JAK2: variants seen among roughly 807,000 people sequenced by gnomAD.
The protein encoded by JAK2 is Janus kinase 2.
Under a neutral mutation model 139.3 loss-of-function variants are expected in JAK2, and 86 were observed. That is an observed-to-expected ratio of 0.62 (90% CI 0.52 to 0.74). JAK2 has a LOEUF of 0.74. Among genes scored for constraint, JAK2 ranks in the 30% least tolerant of loss-of-function variants. The pLI, the probability that JAK2 is intolerant of heterozygous loss-of-function variation, is 0.00. For synonymous variants in JAK2, 490 were observed against 437.7 expected (o/e 1.12, Z -1.49); for missense variants, 1,421 against 1,360.3 (o/e 1.04, Z -0.70).
chr9:5,017,824 A>G (rs1002431611), intron 2 of JAK2, among the ~76,000 whole-genome samples: 1 of 152,210 alleles, frequency 6.6e-6, no homozygotes, highest in Non-Finnish European at 1.5e-5. Context: ...GTTTTGATAC[A>G]TTAGAAGTTC....
At chr9:5,041,436 T>C in intron 4 of JAK2, 1 of 623,058 alleles carries the variant, frequency 1.6e-6, no homozygotes, top group Non-Finnish European at 3.1e-6. Flanking sequence ...ATGTACTTCC[T>C]GTGCAGCAGC....
intron 22 of JAK2, chr9:5,110,549 CAA>C (rs2130793855): frequency 6.0e-6 from 1 of 167,794 alleles, no homozygotes; most frequent in East Asian, 1.8e-4. Flanking sequence ...TAGGACTATT[CAA>C]GACTTTACCC....
At chr9:5,118,793 T>C (rs1260077293) in intron 22 of JAK2, among the ~76,000 whole-genome samples, 1 of 152,186 alleles carries the variant, frequency 6.6e-6, no homozygotes. Flanking sequence ...CCATTAAAAA[T>C]TATCTGTTAT....
At chr9:5,121,463 A>G (rs889225804) in intron 22 of JAK2, among the ~76,000 whole-genome samples, 2 of 152,206 alleles carry the variant, frequency 1.3e-5, no homozygotes, top group African/African-American at 4.8e-5. Flanking sequence ...TACACTTTTC[A>G]TATCTTCATG....
chr9:5,113,387 A>G (rs1441562938), intron 22 of JAK2, among the ~76,000 whole-genome samples: 1 of 146,160 alleles, frequency 6.8e-6, no homozygotes, highest in African/African-American at 2.5e-5. Flanking sequence ...CCTAAGCGTA[A>G]TTTTTTTTAA....
chr9:5,051,164 T>C (rs113575026), intron 6 of JAK2, among the ~76,000 whole-genome samples: 8 of 152,274 alleles, frequency 5.3e-5, no homozygotes, highest in African/African-American at 1.9e-4. Flanking sequence ...TAATAAAAAA[T>C]CATATGGGTA....
chr9:5,037,053 C>G (rs749646272), intron 4 of JAK2, among the ~76,000 whole-genome samples: 1 of 152,112 alleles, frequency 6.6e-6, no homozygotes, highest in Non-Finnish European at 1.5e-5. Flanking sequence ...GCGAAGGATA[C>G]GAACAGACAC....
Position 5,129,778 on chromosome 9 carries a change from C to G in JAK2, c.*2987C>G, listed in dbSNP as rs560410396. On this transcript the variant is annotated 3_prime_UTR_variant, in exon 25 of 25. Transcript: ENST00000381652. ...AGATTTCAAAATGACACTGAGAGAA[C>G]TGAAAAACTACATCAGTCAAATTCA... is the stretch of plus-strand genomic sequence containing the variant. Among the ~76,000 whole-genome samples the G allele has an allele frequency of 6.1e-4, 93 of 152,224 alleles. 2 individuals are homozygous for G. The South Asian group carries it at 0.01, about 17-fold the overall frequency.
At chr9:5,105,384 A>G (rs530431482) in intron 22 of JAK2, among the ~76,000 whole-genome samples, 3 of 152,336 alleles carry the variant, frequency 2.0e-5, no homozygotes, top group Admixed American at 6.5e-5. Context: ...TTCAAGGAAA[A>G]CTACAAACCA....
chr9:5,041,563 C>A (rs994850759), intron 4 of JAK2: 5 of 521,330 alleles, frequency 9.6e-6, no homozygotes, highest in Non-Finnish European at 1.9e-5. Flanking sequence ...GAGATGGCTA[C>A]GTACCTGCAC....
rs1824157505 is a variant in JAK2, at chr9:5,128,672, G to C, written c.*1881G>C. 1.3e-5 allele frequency among the ~76,000 whole-genome samples: 2 copies of C among 151,908 alleles called. No individual in the cohort carries two copies. Among genetic ancestry groups the C allele is most frequent in the Admixed American group, 1.3e-4 (2 of 15,280 alleles). On this transcript the variant is annotated 3_prime_UTR_variant, in exon 25 of 25. Coordinates refer to ENST00000381652, the MANE Select transcript of JAK2 (RefSeq NM_004972.4). Reference sequence around the variant, plus strand: ...TCCCACATGTACATTCTTGTTTTTAGAATGGGGTGACTACCTTATTATAAA... The same window carrying C: ...TCCCACATGTACATTCTTGTTTTTACAATGGGGTGACTACCTTATTATAAA...
intron 14 of JAK2, among the ~76,000 whole-genome samples, chr9:5,076,927 A>G (rs941875814): frequency 3.4e-5 from 5 of 149,072 alleles, no homozygotes; most frequent in Non-Finnish European, 7.5e-5. Context: ...CTGGCAAAAT[A>G]TGTTTTATAT....
At chr9:5,126,502 A>C in intron 24 of JAK2, 56 bp downstream of exon 24, 3 of 1,234,054 alleles carry the variant, frequency 2.4e-6, no homozygotes, top group South Asian at 2.6e-5. Flanking sequence ...CTTTTTACTC[A>C]AGGACTTCAG....
At position 5,126,875 on chromosome 9, in the gene JAK2, A is replaced by G; in HGVS notation, c.*84A>G. 4.4e-6 allele frequency: 3 copies of G among 683,542 alleles called. No individual in the cohort carries two copies. The highest frequency in any genetic ancestry group is 2.4e-6 in the Non-Finnish European group (1 of 410,800). The allele number at this position is 683,542 out of a possible 1,614,324, so 42.3% of individuals were successfully genotyped here. On this transcript the variant is annotated 3_prime_UTR_variant, in exon 25 of 25. Coordinates refer to ENST00000381652, the MANE Select transcript of JAK2 (RefSeq NM_004972.4). Reference sequence around the variant, plus strand: ...ACATTGCTGTGGACTATTATTACATATATCATTATTATATAAATCATGATG... The same window carrying G: ...ACATTGCTGTGGACTATTATTACATGTATCATTATTATATAAATCATGATG...
intron 22 of JAK2, among the ~76,000 whole-genome samples, chr9:5,119,499 T>C (rs1823454990): frequency 6.6e-6 from 1 of 152,060 alleles, no homozygotes; most frequent in African/African-American, 2.4e-5. Context: ...GAAAAAATCA[T>C]GAGGGCAGTC....
chr9:5,042,606 G>GCCCCGGC (rs1816676884), intron 4 of JAK2, among the ~76,000 whole-genome samples: 1 of 151,920 alleles, frequency 6.6e-6, no homozygotes, highest in African/African-American at 2.4e-5. Flanking sequence ...CTGAGGCCCA[G>GCCCCGGC]CCAGCTGCCC....
intron 9 of JAK2, among the ~76,000 whole-genome samples, chr9:5,065,647 T>G (rs1402386727): frequency 2.6e-5 from 4 of 152,228 alleles, no homozygotes; most frequent in African/African-American, 4.8e-5. Context: ...CTAGTAACTA[T>G]CACATTGGCT....
At chr9:5,072,762 A>C in intron 13 of JAK2, 136 bp downstream of exon 13, 1 of 502,400 alleles carries the variant, frequency 2.0e-6, no homozygotes, top group African/African-American at 2.0e-5. Context: ...CTGAGGATAC[A>C]TTCTTGTGGG....
intron 23 of JAK2, 147 bp downstream of exon 23, chr9:5,123,268 T>C (rs1038758893): frequency 1.9e-6 from 1 of 536,704 alleles, no homozygotes; most frequent in Non-Finnish European, 3.4e-6. Context: ...CTTAATAACA[T>C]ACATTGTATC....
Sources: allele counts gnomAD v4.1 joint callset (sites outside exome capture counted in the v4.1 genomes callset), GRCh38; gene constraint gnomAD v4.1.1; transcripts MANE v1.5; gene names NCBI Gene and HGNC (gene_info 2026-07-23, HGNC 2026-07-21).